NCALD: variants seen among roughly 807,000 people sequenced by gnomAD.
The protein encoded by NCALD is neurocalcin delta, also known as neurocalcin-delta.
In NCALD, 10 loss-of-function variants were observed where a neutral mutation model predicts 18.6. The observed-to-expected ratio is 0.54, with a 90% CI of 0.33 to 0.91. The LOEUF (loss-of-function observed/expected upper bound fraction) is 0.91, where lower values mean the gene tolerates loss of function less well. Ranked by LOEUF, NCALD falls within the 40% of genes least tolerant of loss-of-function variation. The probability of loss-of-function intolerance (pLI) is 0.03; values close to 1 mark genes in which losing one functional copy is unlikely to be tolerated. For synonymous variants in NCALD, 88 were observed against 87.4 expected (o/e 1.01, Z -0.04); for missense variants, 184 against 247.6 (o/e 0.74, Z 1.72).
chr8:101,764,116 T>C, intron 1 of NCALD, among the ~76,000 whole-genome samples: 1 of 152,008 alleles, frequency 6.6e-6, no homozygotes, highest in East Asian at 1.9e-4. Flanking sequence ...GATCTGAGTC[T>C]GGAATTGGGA....
chr8:102,090,878 A>G (rs1824902388), intron 1 of NCALD, among the ~76,000 whole-genome samples: 1 of 152,200 alleles, frequency 6.6e-6, no homozygotes, highest in African/African-American at 2.4e-5. Flanking sequence ...CGTTGTCTGG[A>G]ATGGCGTGCT....
intron 1 of NCALD, among the ~76,000 whole-genome samples, chr8:102,086,963 G>A (rs935664137): frequency 6.6e-6 from 1 of 152,210 alleles, no homozygotes; most frequent in African/African-American, 2.4e-5. Flanking sequence ...AGATGCCATG[G>A]CAACATCAGG....
intron 1 of NCALD, among the ~76,000 whole-genome samples, chr8:102,021,345 C>A (rs1822266498): frequency 6.6e-6 from 1 of 152,114 alleles, no homozygotes; most frequent in African/African-American, 2.4e-5. Context: ...AGGACTCACT[C>A]ATTGTAGAAA....
At chr8:102,030,620 G>A (rs188761130) in intron 1 of NCALD, among the ~76,000 whole-genome samples, 56 of 152,314 alleles carry the variant, frequency 3.7e-4, no homozygotes, top group Non-Finnish European at 2.6e-4. Flanking sequence ...AGTGGCTCAT[G>A]CCTGTAATCC....
intron 1 of NCALD, chr8:101,750,308 A>T (rs1077998): frequency 0.66 from 100,782 of 152,006 alleles, 34,854 homozygotes; most frequent in Non-Finnish European, 0.76. Flanking sequence ...TATCAGGTGG[A>T]AACACTGGAA....
At chr8:101,712,009 G>A (rs1325057813) in intron 2 of NCALD, among the ~76,000 whole-genome samples, 1 of 152,078 alleles carries the variant, frequency 6.6e-6, no homozygotes. Context: ...AAATATTAAG[G>A]GCAGCCAGAA....
intron 4 of NCALD, among the ~76,000 whole-genome samples, chr8:101,843,505 A>G (rs1209951597): frequency 2.0e-5 from 3 of 151,822 alleles, no homozygotes; most frequent in Non-Finnish European, 2.9e-5. Flanking sequence ...TAGGGCCATG[A>G]ATATTTTATT....
At chr8:101,791,778 T>C (rs540776581), upstream of NCALD, among the ~76,000 whole-genome samples, 209 of 152,264 alleles carry the variant, frequency 1.4e-3, 2 homozygotes, top group African/African-American at 4.9e-3. Context: ...TGCTCCCCTC[T>C]TGAGTCCTCT....
In NCALD at chr8:101,898,032, C is replaced by T. The variant is rs534921054; in HGVS notation, c.-106-10805G>A. 4.6e-5 allele frequency among the ~76,000 whole-genome samples: 7 copies of T among 152,240 alleles called. No homozygotes were observed. The South Asian group carries it at 1.2e-3, about 27-fold the overall frequency. ...TTTGCTGAGCACATATTCTTCTCCT[C>T]GATGCCACCATGTGAAGAAGGACAT... On this transcript the variant is annotated intron_variant, in intron 3 of 6. Transcript: ENST00000311028.
intron 1 of NCALD, among the ~76,000 whole-genome samples, chr8:102,108,696 T>C (rs563250308): frequency 6.6e-6 from 1 of 152,242 alleles, no homozygotes; most frequent in South Asian, 2.1e-4. Context: ...ATTTCCCACA[T>C]CTGACATAGT....
chr8:102,037,179 C>A (rs77071640), intron 1 of NCALD, among the ~76,000 whole-genome samples: 2 of 152,064 alleles, frequency 1.3e-5, no homozygotes, highest in African/African-American at 4.8e-5. Context: ...TTTTAAGCAA[C>A]TTATAAATAT....
At chr8:101,995,302 C>T (rs187147274) in intron 2 of NCALD, among the ~76,000 whole-genome samples, 2 of 152,172 alleles carry the variant, frequency 1.3e-5, no homozygotes, top group Non-Finnish European at 2.9e-5. Context: ...CCATGACATG[C>T]AAAACAAACT....
intron 1 of NCALD, among the ~76,000 whole-genome samples, chr8:101,763,952 T>TTCTCTC (rs149384386): frequency 1.6e-5 from 2 of 122,064 alleles, no homozygotes; most frequent in African/African-American, 3.3e-5. Context: ...TATGACAAAT[T>TTCTCTC]TCTCTCTCTC....
intron 1 of NCALD, among the ~76,000 whole-genome samples, chr8:102,046,188 T>C (rs1823232674): frequency 6.6e-6 from 1 of 152,182 alleles, no homozygotes; most frequent in South Asian, 2.1e-4. Flanking sequence ...GAGAACAATA[T>C]ATGATAAACT....
intron 2 of NCALD, among the ~76,000 whole-genome samples, chr8:102,010,819 G>T (rs1031200406): frequency 6.6e-6 from 1 of 152,136 alleles, no homozygotes. Context: ...CATTGTGTTT[G>T]TGGGTGTTTA....
At chr8:101,840,977 G>A (rs1461338735) in intron 4 of NCALD, among the ~76,000 whole-genome samples, 1 of 152,098 alleles carries the variant, frequency 6.6e-6, no homozygotes, top group Non-Finnish European at 1.5e-5. Flanking sequence ...ATTTAACACG[G>A]TGACTAAGGC....
At chr8:102,004,104 C>T (rs1314040471) in intron 2 of NCALD, among the ~76,000 whole-genome samples, 99 of 147,166 alleles carry the variant, frequency 6.7e-4, no homozygotes, top group Middle Eastern at 3.4e-3. Context: ...TGTTTGCAGA[C>T]GACATGATTG....
chr8:101,776,283 C>A (rs1811787248), intron 1 of NCALD, among the ~76,000 whole-genome samples: 1 of 152,100 alleles, frequency 6.6e-6, no homozygotes, highest in African/African-American at 2.4e-5. Flanking sequence ...CCCCTTAACT[C>A]CAATTTCAGG....
intron 2 of NCALD, among the ~76,000 whole-genome samples, chr8:101,960,621 G>C (rs562192365): frequency 6.6e-6 from 1 of 152,192 alleles, no homozygotes; most frequent in Non-Finnish European, 1.5e-5. Context: ...CAGAACCTCT[G>C]TGAACCTAGA....
Sources: allele counts gnomAD v4.1 joint callset (sites outside exome capture counted in the v4.1 genomes callset), GRCh38; gene constraint gnomAD v4.1.1; transcripts MANE v1.5; gene names NCBI Gene and HGNC (gene_info 2026-07-23, HGNC 2026-07-21).